Variants in ABCC5 observed in about 807,000 individuals in gnomAD.
The protein encoded by ABCC5 is ATP binding cassette subfamily C member 5, also known as ATP-binding cassette sub-family C member 5.
In ABCC5, 61 loss-of-function variants were observed where a neutral mutation model predicts 160.9. The observed-to-expected ratio is 0.38, with a 90% CI of 0.31 to 0.47. ABCC5 has a LOEUF of 0.47. Ranked by LOEUF, ABCC5 falls within the 20% of genes least tolerant of loss-of-function variation. The pLI, the probability that ABCC5 is intolerant of heterozygous loss-of-function variation, is 0.99. For missense variants in ABCC5, 1,308 were observed against 1,813.3 expected (o/e 0.72, Z 5.06); for synonymous variants, 666 against 700.6 (o/e 0.95, Z 0.78).
chr3:183,974,611 C>T (rs1334994620), intron 10 of ABCC5, among the ~76,000 whole-genome samples: 1 of 152,090 alleles, frequency 6.6e-6, no homozygotes, highest in Non-Finnish European at 1.5e-5. Context: ...GCCGGGCCCC[C>T]GTTAAATTTA....
Position 183,988,422 on chromosome 3 carries a change from A to G in ABCC5, c.443+150T>C. 1.1e-6 allele frequency: 1 copy of G among 900,738 alleles called. No individual in the cohort carries two copies. The highest frequency in any genetic ancestry group is 1.9e-5 in the South Asian group (1 of 52,752). 55.8% of individuals were successfully genotyped at this position (900,738 alleles called of 1,614,324 possible). On this transcript the variant is annotated intron_variant, in intron 4 of 29. Coordinates refer to ENST00000334444, the MANE Select transcript of ABCC5 (RefSeq NM_005688.4). The surrounding 1 kb of genome is among the most constrained non-coding windows in gnomAD (Gnocchi z 4.4). ...TCAAAGGTGAAATAGGAGATAAAGC[A>G]AAAGAGCAAAGAGAAAGTCATCCCC...
chr3:183,978,694 A>G, intron 8 of ABCC5, 43 bp from the exon 9 acceptor site: 1 of 1,597,276 alleles, frequency 6.3e-7, no homozygotes, highest in Non-Finnish European at 8.5e-7. Context: ...AGTTAAAAGA[A>G]GCCTAGGGAT....
intron 2 of ABCC5, among the ~76,000 whole-genome samples, chr3:183,996,953 A>T (rs1038356219): frequency 5.3e-5 from 8 of 152,160 alleles, no homozygotes; most frequent in African/African-American, 1.7e-4. Context: ...GAAATATCTG[A>T]TGGAAATACA....
chr3:183,972,423 G>A (rs896229431), intron 10 of ABCC5, among the ~76,000 whole-genome samples: 23 of 152,130 alleles, frequency 1.5e-4, no homozygotes, highest in Non-Finnish European at 7.3e-5. Context: ...CATTGCTACC[G>A]TCAGAAAAGA....
Position 183,961,452 on chromosome 3 carries a change from C to T in ABCC5, c.2379+59G>A, listed in dbSNP as rs768906530. On this transcript the variant is annotated intron_variant, in intron 16 of 29. Transcript: ENST00000334444. ...GCTGAGGTCTCTCCATCACTCACTC[C>T]GGCTGTGTTTCCCTTGCAGAGACAG... The T allele has an allele frequency of 8.2e-6, 13 of 1,587,854 alleles. No individual in the cohort carries two copies. In the East Asian group the frequency reaches 1.8e-4, roughly 22 times the overall value.
Position 183,971,753 on chromosome 3 carries a change from CT to C in ABCC5, c.1570del (p.Arg524GlyfsTer7). The C allele has an allele frequency of 6.2e-7, 1 of 1,614,196 alleles. No homozygotes were observed. The highest frequency in any genetic ancestry group is 8.5e-7 in the Non-Finnish European group (1 of 1,180,036). Reference sequence around the variant, plus strand: ...CTGCCTCACCTTCTCTTTCTTGCCCCTGGAAGCCCTCTTGTCTTTTTTCATT... The same window carrying C: ...CTGCCTCACCTTCTCTTTCTTGCCCCGGAAGCCCTCTTGTCTTTTTTCATT... ...PKMKKDKRAS[R>X]GKKEKVRQLQ... On this transcript the variant is annotated frameshift_variant, in exon 11 of 30. Transcript: ENST00000334444. LOFTEE classifies it high-confidence loss of function.
intron 24 of ABCC5, among the ~76,000 whole-genome samples, chr3:183,944,939 A>G (rs200765272): frequency 6.6e-6 from 1 of 152,172 alleles, no homozygotes; most frequent in East Asian, 1.9e-4. Flanking sequence ...AGATGACTGA[A>G]TCAGGGGGGT....
intron 2 of ABCC5, among the ~76,000 whole-genome samples, chr3:184,003,016 T>A (rs73181538): frequency 6.6e-6 from 1 of 151,960 alleles, no homozygotes; most frequent in Non-Finnish European, 1.5e-5. Flanking sequence ...TGTCTTCCTC[T>A]CCTCTCCTCA....
intron 2 of ABCC5, among the ~76,000 whole-genome samples, chr3:183,992,715 G>A (rs1372227754): frequency 6.6e-6 from 1 of 152,114 alleles, no homozygotes; most frequent in Non-Finnish European, 1.5e-5. Context: ...TGTGAACCTG[G>A]GAGGCGGAGC....
chr3:183,938,786 C>T (rs750782467), intron 25 of ABCC5, among the ~76,000 whole-genome samples: 15 of 152,156 alleles, frequency 9.9e-5, no homozygotes, highest in Non-Finnish European at 2.1e-4. Context: ...GAGAGAGAGA[C>T]TAAGACAAGG....
At chr3:183,985,053 G>A (rs552896775) in intron 5 of ABCC5, 53 of 701,508 alleles carry the variant, frequency 7.6e-5, no homozygotes, top group African/African-American at 7.5e-4. Context: ...ACTTTCAAAG[G>A]GGGGGAAAAA....
intron 29 of ABCC5, among the ~76,000 whole-genome samples, chr3:183,922,821 G>GAGTGTCCTTCCTTTGGACA (rs1560462310): frequency 1.3e-5 from 2 of 151,058 alleles, no homozygotes; most frequent in Non-Finnish European, 3.0e-5. Context: ...GAGAACATAA[G>GAGTGTCCTTCCTTTGGACA]CGTGTCCTTC....
At position 183,988,874 on chromosome 3, in the gene ABCC5, G is replaced by A. The variant is rs1447895455; in HGVS notation, c.288-147C>T. 11 of 1,012,358 alleles carry A rather than the reference G, an allele frequency of 1.1e-5. No homozygotes were observed. In the South Asian group the frequency reaches 1.4e-4, roughly 13 times the overall value. 62.7% of individuals were successfully genotyped at this position (1,012,358 alleles called of 1,614,324 possible). On this transcript the variant is annotated intron_variant, in intron 3 of 29. Coordinates refer to ENST00000334444, the MANE Select transcript of ABCC5 (RefSeq NM_005688.4). The surrounding 1 kb of genome is among the most constrained non-coding windows in gnomAD (Gnocchi z 4.4). Reference sequence around the variant, plus strand: ...AATCTTAGCCTGAATGTTCTAAAACGGCTTTGATGGGCCGGGCGCGGTGGC... The same window carrying A: ...AATCTTAGCCTGAATGTTCTAAAACAGCTTTGATGGGCCGGGCGCGGTGGC...
chr3:183,985,030 T>G, intron 5 of ABCC5: 1 of 768,400 alleles, frequency 1.3e-6, no homozygotes, highest in Non-Finnish European at 2.1e-6. Flanking sequence ...AGTGAATGTT[T>G]ACACTATGCG....
At chr3:184,005,611 A>C (rs1163874405) in intron 2 of ABCC5, among the ~76,000 whole-genome samples, 2 of 145,170 alleles carry the variant, frequency 1.4e-5, no homozygotes, top group Non-Finnish European at 3.0e-5. Flanking sequence ...AGAGGGAAAA[A>C]CGGTAAGACA....
At chr3:183,965,339 C>A (rs1717119613) in intron 13 of ABCC5, 38 bp downstream of exon 13, 2 of 1,614,114 alleles carry the variant, frequency 1.2e-6, no homozygotes, top group East Asian at 4.5e-5. Context: ...CTCACGCGGC[C>A]AAGATGGAAA....
intron 23 of ABCC5, among the ~76,000 whole-genome samples, chr3:183,946,955 T>C (rs150184951): frequency 6.6e-6 from 1 of 152,252 alleles, no homozygotes; most frequent in East Asian, 1.9e-4. Flanking sequence ...AAGAAGCATA[T>C]TGAGTCTATA....
intron 24 of ABCC5, among the ~76,000 whole-genome samples, chr3:183,944,798 C>A (rs963190127): frequency 9.2e-5 from 14 of 152,202 alleles, no homozygotes; most frequent in African/African-American, 3.4e-4. Context: ...TGAGACAATT[C>A]TTCTTCCAAT....
Position 183,982,894 on chromosome 3 carries a change from C to T in ABCC5, c.705G>A (p.Ser235=), listed in dbSNP as rs746781013. Residue 235 remains serine, a synonymous_variant, in exon 6 of 30, where the codon TCG becomes TCA. Coordinates refer to ENST00000334444, the MANE Select transcript of ABCC5 (RefSeq NM_005688.4). The surrounding 1 kb of genome is among the most constrained non-coding windows in gnomAD (Gnocchi z 5.2). ...LLLTEIVRSW[S]LALTWALNYR... ...AATTCAATGCCCAAGTCAGTGCAAG[C>T]GACCAAGACCGCACGATTTCCGTCA... is the stretch of plus-strand genomic sequence containing the variant. 7.8e-5 allele frequency: 126 copies of T among 1,614,094 alleles called. No homozygotes were observed. The South Asian group carries it at 1.1e-3, about 14-fold the overall frequency.
Sources: allele counts gnomAD v4.1 joint callset (sites outside exome capture counted in the v4.1 genomes callset), GRCh38; gene constraint gnomAD v4.1.1; non-coding constraint Gnocchi (gnomAD v3.1); transcripts MANE v1.5; gene names NCBI Gene and HGNC (gene_info 2026-07-23, HGNC 2026-07-21).